RAD51B: variants seen among roughly 807,000 people sequenced by gnomAD.
RAD51B encodes the protein RAD51 paralog B, also known as DNA repair protein RAD51 homolog 2.
RAD51B carries 38 observed loss-of-function variants against 42.2 expected under a neutral mutation model. The ratio of observed to expected loss-of-function variants is 0.90; its 90% CI spans 0.70 to 1.18. RAD51B has a LOEUF of 1.18. Among genes scored for constraint, RAD51B ranks in the 50% most tolerant of loss-of-function variants. RAD51B has a pLI of 0.00. For synonymous variants in RAD51B, 154 were observed against 145.2 expected, an observed-to-expected ratio of 1.06 and a Z score of -0.43; for missense variants, 373 against 400.7, an observed-to-expected ratio of 0.93 and a Z score of 0.59.
downstream of RAD51B, chr14:68,478,148 A>T: frequency 2.0e-6 from 2 of 1,017,142 alleles, no homozygotes; most frequent in Non-Finnish European, 2.4e-6. Flanking sequence ...CGATTCAGAA[A>T]TGAAATCATG....
chr14:68,592,488 C>G (rs2257014), intron 10 of RAD51B, among the ~76,000 whole-genome samples: 5,969 of 152,190 alleles, frequency 0.039, 421 homozygotes, highest in African/African-American at 0.13. Context: ...CTGTGAGGTA[C>G]AAGTATCACT....
intron 7 of RAD51B, among the ~76,000 whole-genome samples, chr14:68,249,031 G>T (rs1609805): frequency 6.6e-6 from 1 of 152,262 alleles, no homozygotes; most frequent in South Asian, 2.1e-4. Context: ...GGCTGAGTCA[G>T]TTGGAAGATG....
rs915412723 is a variant in RAD51B, at chr14:68,122,340, A to G, written c.757-169544A>G. The stretch of plus-strand genomic sequence containing the variant: ...TTCACATGTATCACAAACCAAGACT[A>G]TTTTCCCTATTGAATAGAGAGCATC... On this transcript the variant is annotated intron_variant, in intron 7 of 10. Transcript: ENST00000471583. 9.2e-5 allele frequency among the ~76,000 whole-genome samples: 14 copies of G among 152,172 alleles called. 1 individual carries two copies. In the East Asian group the frequency reaches 2.7e-3, roughly 29 times the overall value.
chr14:68,514,467 G>A (rs991918773), intron 10 of RAD51B, among the ~76,000 whole-genome samples: 2 of 152,164 alleles, frequency 1.3e-5, no homozygotes, highest in Non-Finnish European at 2.9e-5. Context: ...TATTTACCCT[G>A]CTCTGACGCT....
chr14:68,444,966 C>T (rs752400453), intron 9 of RAD51B, among the ~76,000 whole-genome samples: 28 of 152,168 alleles, frequency 1.8e-4, no homozygotes, highest in Non-Finnish European at 3.7e-4. Flanking sequence ...CATGGCTTGG[C>T]AGTAGACAAA....
At chr14:68,131,064 C>A (rs1222747069) in intron 7 of RAD51B, among the ~76,000 whole-genome samples, 1 of 152,124 alleles carries the variant, frequency 6.6e-6, no homozygotes, top group Non-Finnish European at 1.5e-5. Context: ...TCCTTTAGAG[C>A]AGATTGATAA....
intron 10 of RAD51B, among the ~76,000 whole-genome samples, chr14:68,515,304 G>A (rs1385770822): frequency 6.6e-6 from 1 of 152,150 alleles, no homozygotes; most frequent in Admixed American, 6.5e-5. Context: ...AAGGACCTGT[G>A]TCCAAGCTTG....
chr14:68,670,351 G>A (rs1893130488), intron 11 of RAD51B, among the ~76,000 whole-genome samples: 1 of 152,144 alleles, frequency 6.6e-6, no homozygotes, highest in South Asian at 2.1e-4. Context: ...AGGGAAGAGT[G>A]GCAAGTGCCC....
In RAD51B at chr14:67,964,662, G is replaced by A. The variant is rs554067378; in HGVS notation, c.756+77458G>A. The stretch of plus-strand genomic sequence containing the variant: ...ATATTGTTAAAATGGCTCTGATTAT[G>A]TTTGACTATTGGGTGTGGCAGGTTT... On this transcript the variant is annotated intron_variant, in intron 7 of 10. Transcript: ENST00000471583. 3.6e-4 allele frequency among the ~76,000 whole-genome samples: 55 copies of A among 151,778 alleles called. 2 individuals are homozygous for A. In the South Asian group the frequency reaches 9.2e-3, roughly 25 times the overall value.
chr14:67,891,465 T>C (rs184111204), intron 7 of RAD51B, among the ~76,000 whole-genome samples: 4 of 152,136 alleles, frequency 2.6e-5, no homozygotes, highest in African/African-American at 9.6e-5. Context: ...GACAAATGAA[T>C]CAAAATATGT....
At chr14:68,279,312 C>G (rs1318164848) in intron 7 of RAD51B, among the ~76,000 whole-genome samples, 1 of 152,216 alleles carries the variant, frequency 6.6e-6, no homozygotes, top group Non-Finnish European at 1.5e-5. Context: ...TGATGCCTTT[C>G]CAGGCCTTGA....
chr14:68,595,225 T>C (rs45538231), exon 11 of RAD51B: 11,164 of 1,060,570 alleles, frequency 0.011, 80 homozygotes, highest in Middle Eastern at 0.033. Context: ...GAAGATGATT[T>C]AAAAATGATT....
chr14:68,163,360 T>C (rs2078683832), intron 7 of RAD51B, among the ~76,000 whole-genome samples: 1 of 152,220 alleles, frequency 6.6e-6, no homozygotes, highest in East Asian at 1.9e-4. Context: ...TTTAACCTTA[T>C]CAGACCCAAC....
At chr14:67,966,931 A>C (rs1187051608) in intron 7 of RAD51B, among the ~76,000 whole-genome samples, 4 of 152,194 alleles carry the variant, frequency 2.6e-5, no homozygotes, top group Non-Finnish European at 5.9e-5. Context: ...TTAGAAGAGA[A>C]AAAAATTTTA....
chr14:68,315,261 T>A (rs1166362691), intron 8 of RAD51B, among the ~76,000 whole-genome samples: 1 of 152,210 alleles, frequency 6.6e-6, no homozygotes, highest in East Asian at 1.9e-4. Flanking sequence ...TGGCAGCAGA[T>A]CTGTAGCGGG....
At chr14:68,225,099 A>T (rs1048348369) in intron 7 of RAD51B, among the ~76,000 whole-genome samples, 10 of 152,182 alleles carry the variant, frequency 6.6e-5, no homozygotes, top group Non-Finnish European at 1.2e-4. Context: ...ATTTAGAGAA[A>T]CTTTTTTTCT....
rs373002941 is a variant in RAD51B at position 68,477,676 on chromosome 14, C to T, written c.*12C>T. 1 of 1,609,438 alleles carries T rather than the reference C, an allele frequency of 6.2e-7. No homozygotes were observed. Among genetic ancestry groups the T allele is most frequent in the African/African-American group, 1.4e-5 (1 of 73,826 alleles). Reference sequence around the variant, plus strand: ...AAGAGAAGCCATAGGGATACTGTGACCTTTGTCTAGAGTTGATGGGGGTGT... The same window carrying T: ...AAGAGAAGCCATAGGGATACTGTGATCTTTGTCTAGAGTTGATGGGGGTGT... On this transcript the variant is annotated 3_prime_UTR_variant, in exon 11 of 11. Transcript: ENST00000471583.
chr14:68,216,048 G>A (rs1412534135), intron 7 of RAD51B, among the ~76,000 whole-genome samples: 1 of 152,060 alleles, frequency 6.6e-6, no homozygotes, highest in Non-Finnish European at 1.5e-5. Context: ...CATTTATAAG[G>A]GCAATATGTT....
chr14:68,203,140 G>A (rs548553651), intron 7 of RAD51B, among the ~76,000 whole-genome samples: 137 of 152,176 alleles, frequency 9.0e-4, no homozygotes, highest in Admixed American at 2.4e-3. Context: ...TTTCCAGAAC[G>A]TTCCCAATTT....
Sources: gnomAD v4.1 joint callset for allele counts (sites outside exome capture counted in the v4.1 genomes callset) on GRCh38, gnomAD v4.1.1 for gene constraint, MANE v1.5 for transcripts, NCBI Gene and HGNC (gene_info 2026-07-23, HGNC 2026-07-21) for gene names.